Variants in DLG2 observed in about 807,000 individuals in gnomAD.
The protein encoded by DLG2 is discs large MAGUK scaffold protein 2, also known as disks large homolog 2.
In DLG2, 45 loss-of-function variants were observed where a neutral mutation model predicts 132.5. That is an observed-to-expected ratio of 0.34 (90% CI 0.27 to 0.44). The LOEUF is 0.44. DLG2 is among the 20% of genes least tolerant of loss of function. DLG2 has a pLI of 1.00. For synonymous variants in DLG2, 424 were observed against 419.6 expected (o/e 1.01, Z -0.13); for missense variants, 1,045 against 1,196.9 (o/e 0.87, Z 1.87).
At chr11:85,451,034 C>A (rs943639280) in intron 3 of DLG2, among the ~76,000 whole-genome samples, 3 of 152,054 alleles carry the variant, frequency 2.0e-5, no homozygotes, top group Non-Finnish European at 4.4e-5. Context: ...TGTGTATCAC[C>A]AACCCAAAAT....
At position 85,198,164 on chromosome 11, in the gene DLG2, A is replaced by G. The variant is rs554713369; in HGVS notation, c.187-43513T>C. Among the ~76,000 whole-genome samples the G allele has an allele frequency of 1.2e-4, 19 of 152,262 alleles. No homozygotes were observed. In the South Asian group the frequency reaches 3.7e-3, roughly 30 times the overall value. ...AGTGGTCACAGGAAAGACTTCTGGTATAAGTGGGATAATGGAAAAAGCACT... is the reference window on the plus strand; with the variant it reads ...AGTGGTCACAGGAAAGACTTCTGGTGTAAGTGGGATAATGGAAAAAGCACT... On this transcript the variant is annotated intron_variant, in intron 4 of 27. Coordinates refer to ENST00000376104, the MANE Select transcript of DLG2 (RefSeq NM_001142699.3).
At chr11:84,947,782 G>A (rs2050405865) in intron 6 of DLG2, among the ~76,000 whole-genome samples, 1 of 152,024 alleles carries the variant, frequency 6.6e-6, no homozygotes, top group Non-Finnish European at 1.5e-5. Context: ...GTTAGTTCTG[G>A]GTTTTGCCCA....
intron 3 of DLG2, among the ~76,000 whole-genome samples, chr11:85,366,781 C>A (rs1233307364): frequency 1.3e-5 from 2 of 152,080 alleles, no homozygotes; most frequent in Admixed American, 1.3e-4. Context: ...CAACAGGGAA[C>A]AAATGTTTCT....
chr11:84,509,864 T>C (rs371817929), intron 7 of DLG2, among the ~76,000 whole-genome samples: 1 of 152,004 alleles, frequency 6.6e-6, no homozygotes, highest in African/African-American at 2.4e-5. Context: ...AATTTATATC[T>C]AATCAGAAGG....
intron 7 of DLG2, among the ~76,000 whole-genome samples, chr11:84,502,210 C>CT (rs1567803339): frequency 0.067 from 945 of 14,136 alleles, 275 homozygotes; most frequent in Middle Eastern, 0.18. Flanking sequence ...CTCCTTCCTT[C>CT]CTTCCTTCCT....
chr11:84,970,839 G>A (rs1566541469), intron 6 of DLG2, among the ~76,000 whole-genome samples: 1 of 152,022 alleles, frequency 6.6e-6, no homozygotes, highest in African/African-American at 2.4e-5. Context: ...ACTATCAATG[G>A]TGGTATATTA....
chr11:85,266,878 AC>A (rs763691912), intron 4 of DLG2, among the ~76,000 whole-genome samples: 17 of 152,168 alleles, frequency 1.1e-4, no homozygotes, highest in Non-Finnish European at 2.1e-4. Context: ...AGAAACCAAA[AC>A]TTTTTAGTGT....
rs551625252 is a variant in DLG2, at chr11:83,754,579, A to G, written c.1825+32111T>C. ...CTGACAGTAAATAAAATAGGGGTCT[A>G]TTCCACATGATCACTTTACATTCCT... On this transcript the variant is annotated intron_variant, in intron 18 of 27. Coordinates refer to ENST00000376104, the MANE Select transcript of DLG2 (RefSeq NM_001142699.3). Among the ~76,000 whole-genome samples, 131 of 151,530 alleles carry G rather than the reference A, an allele frequency of 8.6e-4. 1 individual carries two copies. The South Asian group carries it at 0.017, about 20-fold the overall frequency.
At chr11:85,303,318 A>G (rs2079724121) in intron 3 of DLG2, among the ~76,000 whole-genome samples, 1 of 152,268 alleles carries the variant, frequency 6.6e-6, no homozygotes, top group Admixed American at 6.5e-5. Flanking sequence ...TATCTTAATC[A>G]TATCTCTGGC....
chr11:85,321,481 A>G (rs1202997120), intron 3 of DLG2, among the ~76,000 whole-genome samples: 1 of 152,078 alleles, frequency 6.6e-6, no homozygotes, highest in African/African-American at 2.4e-5. Flanking sequence ...TAATCTAGCG[A>G]GTATGTACAG....
In DLG2 at chr11:84,056,886, G is replaced by A. The variant is rs116710028; in HGVS notation, c.919+2429C>T. ...GAAGTATGACTGACTCAGCATAACC[G>A]CAACAGGCCCAATAGTCTCACCTCT... On this transcript the variant is annotated intron_variant, in intron 11 of 27. Coordinates refer to ENST00000376104, the MANE Select transcript of DLG2 (RefSeq NM_001142699.3). Among the ~76,000 whole-genome samples the A allele has an allele frequency of 6.0e-3, 909 of 152,168 alleles. 8 individuals are homozygous for A. Among genetic ancestry groups the A allele is most frequent in the African/African-American group, 0.021 (875 of 41,524 alleles).
chr11:84,525,115 C>T (rs2154518747), intron 7 of DLG2, among the ~76,000 whole-genome samples: 1 of 152,204 alleles, frequency 6.6e-6, no homozygotes, highest in East Asian at 1.9e-4. Context: ...GGTGGTGGAC[C>T]TGTGTTTCAG....
rs573466607 is a variant in DLG2, at chr11:85,503,272, A to C, written c.40+95385T>G. Among the ~76,000 whole-genome samples the C allele has an allele frequency of 2.0e-5, 3 of 152,176 alleles. No homozygotes were observed. In the South Asian group the frequency reaches 6.2e-4, roughly 32 times the overall value. ...ACTGAAGGAAAATACTTTTCTTGAC[A>C]CTTCTTTTCTTACTCCCCTACTTTG... On this transcript the variant is annotated intron_variant, in intron 3 of 27. Coordinates refer to ENST00000376104, the MANE Select transcript of DLG2 (RefSeq NM_001142699.3).
chr11:83,508,235 G>T (rs1452505115), intron 21 of DLG2, among the ~76,000 whole-genome samples: 1 of 150,404 alleles, frequency 6.6e-6, no homozygotes, highest in Non-Finnish European at 1.5e-5. Flanking sequence ...TTCCCATTTA[G>T]AATATACATC....
chr11:85,624,873 A>C (rs553613915), intron 2 of DLG2, among the ~76,000 whole-genome samples: 1 of 152,284 alleles, frequency 6.6e-6, no homozygotes. Context: ...GAAGAAAGGG[A>C]AGGAGGGAGG....
chr11:85,428,273 G>A (rs938541383), intron 3 of DLG2, among the ~76,000 whole-genome samples: 47 of 152,198 alleles, frequency 3.1e-4, no homozygotes, highest in African/African-American at 8.4e-4. Flanking sequence ...TGCACCAAGT[G>A]GACCTAATAG....
At chr11:85,066,148 T>C (rs1019023617) in intron 6 of DLG2, among the ~76,000 whole-genome samples, 13 of 151,558 alleles carry the variant, frequency 8.6e-5, no homozygotes, top group African/African-American at 3.1e-4. Flanking sequence ...ATAGAAAAGA[T>C]TATCAGAGAC....
rs548632122 is a variant in DLG2 at position 83,731,089 on chromosome 11, C to T, written c.1825+55601G>A. Among the ~76,000 whole-genome samples, 13 of 152,302 alleles carry T rather than the reference C, an allele frequency of 8.5e-5. No individual in the cohort carries two copies. The East Asian group carries it at 2.5e-3, about 29-fold the overall frequency. Reference sequence around the variant, plus strand: ...TCCTGGTTCTGCTATTTCCAAGTGGCCCTCTGCGTTATGTAATTTCCCTAC... The same window carrying T: ...TCCTGGTTCTGCTATTTCCAAGTGGTCCTCTGCGTTATGTAATTTCCCTAC... On this transcript the variant is annotated intron_variant, in intron 18 of 27. Coordinates refer to ENST00000376104, the MANE Select transcript of DLG2 (RefSeq NM_001142699.3).
rs1269758867 is a variant in DLG2, at chr11:85,509,666, T to C, written c.40+88991A>G. 1.3e-5 allele frequency among the ~76,000 whole-genome samples: 2 copies of C among 152,122 alleles called. 1 individual carries two copies. Among genetic ancestry groups the C allele is most frequent in the African/African-American group, 4.8e-5 (2 of 41,452 alleles). On this transcript the variant is annotated intron_variant, in intron 3 of 27. Transcript: ENST00000376104. The stretch of plus-strand genomic sequence containing the variant: ...CTATTATTATTTTTCATTCATTTTA[T>C]TCAACAAATATTTACTGCATACCTG...
Sources: allele counts gnomAD v4.1 joint callset (sites outside exome capture counted in the v4.1 genomes callset), GRCh38; gene constraint gnomAD v4.1.1; transcripts MANE v1.5; gene names NCBI Gene and HGNC (gene_info 2026-07-23, HGNC 2026-07-21).